The following PCDH15 variants were observed in gnomAD, a reference collection of about 807,000 sequenced individuals.
PCDH15 encodes the protein protocadherin-15.
In PCDH15, 129 loss-of-function variants were observed where a neutral mutation model predicts 178.5. The ratio of observed to expected loss-of-function variants is 0.72; its 90% CI spans 0.63 to 0.84. PCDH15 has a LOEUF of 0.84. PCDH15 is among the 40% of genes least tolerant of loss of function. PCDH15 has a pLI of 0.00. For synonymous variants in PCDH15, 800 were observed against 732.0 expected (o/e 1.09, Z -1.50); for missense variants, 2,230 against 2,099.9 (o/e 1.06, Z -1.21).
At chr10:54,238,205 A>G (rs903646119) in intron 8 of PCDH15, among the ~76,000 whole-genome samples, 3 of 152,112 alleles carry the variant, frequency 2.0e-5, no homozygotes, top group South Asian at 4.1e-4. Flanking sequence ...AATTACTGCA[A>G]TGTTCTCATA....
intron 2 of PCDH15, among the ~76,000 whole-genome samples, chr10:55,495,980 CAG>C (rs1589081430): frequency 6.6e-6 from 1 of 151,776 alleles, no homozygotes; most frequent in African/African-American, 2.4e-5. Context: ...ATCTATAAGA[CAG>C]AAAGTAGACT....
chr10:55,323,273 C>T (rs1843951361), upstream of PCDH15, among the ~76,000 whole-genome samples: 1 of 152,196 alleles, frequency 6.6e-6, no homozygotes, highest in African/African-American at 2.4e-5. Flanking sequence ...ACTGCTAGGG[C>T]AGTGCAGAAG....
intron 28 of PCDH15, among the ~76,000 whole-genome samples, chr10:53,856,129 AGGGT>A (rs2078727350): frequency 6.6e-6 from 1 of 151,430 alleles, no homozygotes; most frequent in Non-Finnish European, 1.5e-5. Context: ...CTCAGGGGAA[AGGGT>A]GGGATGGAGG....
intron 1 of PCDH15, among the ~76,000 whole-genome samples, chr10:54,679,582 A>C (rs1045912505): frequency 6.6e-6 from 1 of 152,210 alleles, no homozygotes; most frequent in Non-Finnish European, 1.5e-5. Context: ...AAACAACTTT[A>C]AGTATGGCTT....
At chr10:54,779,476 A>T (rs1382611384) in intron 1 of PCDH15, among the ~76,000 whole-genome samples, 1 of 115,366 alleles carries the variant, frequency 8.7e-6, no homozygotes, top group Non-Finnish European at 1.9e-5. Flanking sequence ...ATATATATAC[A>T]CACATATATA....
intron 6 of PCDH15, among the ~76,000 whole-genome samples, chr10:54,335,695 T>A (rs1246762121): frequency 6.6e-6 from 1 of 152,034 alleles, no homozygotes; most frequent in Admixed American, 6.6e-5. Context: ...TGGAACTGAG[T>A]CCATTAAACC....
chr10:54,859,098 A>G (rs1325682763), intron 3 of PCDH15, among the ~76,000 whole-genome samples: 1 of 152,082 alleles, frequency 6.6e-6, no homozygotes, highest in Non-Finnish European at 1.5e-5. Flanking sequence ...TCTTCTAGCT[A>G]TGTCTCAACT....
At chr10:55,023,829 A>C (rs1840400345) in intron 2 of PCDH15, among the ~76,000 whole-genome samples, 2 of 150,766 alleles carry the variant, frequency 1.3e-5, no homozygotes, top group Admixed American at 1.3e-4. Context: ...ATATACACAC[A>C]CACTCATATA....
chr10:54,111,583 A>G (rs576215885), intron 15 of PCDH15, among the ~76,000 whole-genome samples: 2 of 152,278 alleles, frequency 1.3e-5, no homozygotes, highest in East Asian at 3.9e-4. Context: ...ATAAGAAGGA[A>G]TGAATAAAAG....
Position 53,803,873 on chromosome 10 carries a change from C to A in PCDH15, c.*2706G>T, listed in dbSNP as rs934258318. On this transcript the variant is annotated 3_prime_UTR_variant, in exon 38 of 38. Coordinates refer to ENST00000644397, the MANE Select transcript of PCDH15 (RefSeq NM_001384140.1). ...TGAAGCTAGTGCTGATTGAGAACAA[C>A]AAGAAAACCTTCCTACACCTTCCTA... is the stretch of plus-strand genomic sequence containing the variant. The A allele has an allele frequency of 6.6e-6, 1 of 151,860 alleles. No homozygotes were observed. The highest frequency in any genetic ancestry group is 2.4e-5 in the African/African-American group (1 of 41,380). 9.4% of individuals were successfully genotyped at this position (151,860 alleles called of 1,614,324 possible). A position where few individuals can be genotyped will look rare whatever the true frequency, so the allele number is the denominator to read the frequency against.
intron 2 of PCDH15, among the ~76,000 whole-genome samples, chr10:55,364,992 AT>A (rs1209109532): frequency 4.6e-5 from 7 of 151,994 alleles, no homozygotes; most frequent in African/African-American, 1.7e-4. Flanking sequence ...GTCTGCCAAG[AT>A]TTTCTGTCTT....
At chr10:55,547,908 TGTGAGAGAGAGA>T (rs1841920753) in intron 2 of PCDH15, among the ~76,000 whole-genome samples, 19 of 35,296 alleles carry the variant, frequency 5.4e-4, no homozygotes, top group African/African-American at 2.4e-3. Context: ...TGTGTGTGTG[TGTGAGAGAGAGA>T]GAGAGAGAGA....
intron 2 of PCDH15, among the ~76,000 whole-genome samples, chr10:55,345,128 AGTGT>A (rs201984363): frequency 6.7e-6 from 1 of 150,180 alleles, no homozygotes; most frequent in Non-Finnish European, 1.5e-5. Context: ...ATGTCCTAAA[AGTGT>A]GTGTGTGTGT....
At chr10:54,597,267 T>C (rs745651970) in intron 2 of PCDH15, among the ~76,000 whole-genome samples, 4 of 151,876 alleles carry the variant, frequency 2.6e-5, no homozygotes, top group Non-Finnish European at 4.4e-5. Flanking sequence ...AACAGCACAA[T>C]AAACATAGAA....
intron 2 of PCDH15, among the ~76,000 whole-genome samples, chr10:55,441,141 G>T (rs1839175201): frequency 6.6e-6 from 1 of 152,144 alleles, no homozygotes; most frequent in Non-Finnish European, 1.5e-5. Context: ...GAAACTGCCT[G>T]TTCTTACCTA....
intron 3 of PCDH15, among the ~76,000 whole-genome samples, chr10:54,807,365 G>C (rs1046362370): frequency 6.6e-6 from 1 of 152,018 alleles, no homozygotes; most frequent in Non-Finnish European, 1.5e-5. Flanking sequence ...GACATATTTG[G>C]AACTGGAATA....
chr10:54,130,321 A>G (rs2042325035), intron 15 of PCDH15, among the ~76,000 whole-genome samples: 1 of 152,196 alleles, frequency 6.6e-6, no homozygotes, highest in Admixed American at 6.5e-5. Context: ...AGCTGGTAAC[A>G]TGACATAGCT....
chr10:54,759,359 A>G (rs1471207897), intron 1 of PCDH15, among the ~76,000 whole-genome samples: 1 of 152,210 alleles, frequency 6.6e-6, no homozygotes, highest in African/African-American at 2.4e-5. Flanking sequence ...CAATTTTCAA[A>G]ATAAAAATGA....
At chr10:54,100,152 T>C (rs4454620) in intron 15 of PCDH15, among the ~76,000 whole-genome samples, 27,510 of 151,906 alleles carry the variant, frequency 0.18, 3,978 homozygotes, top group African/African-American at 0.4. Context: ...CAGATCACGA[T>C]GTCAGGAGTT....
Sources: gnomAD v4.1 joint callset for allele counts (sites outside exome capture counted in the v4.1 genomes callset) on GRCh38, gnomAD v4.1.1 for gene constraint, MANE v1.5 for transcripts, NCBI Gene and HGNC (gene_info 2026-07-23, HGNC 2026-07-21) for gene names.